CUX1: variants seen among roughly 807,000 people sequenced by gnomAD.
The protein encoded by CUX1 is cut like homeobox 1.
Under a neutral mutation model 158.8 loss-of-function variants are expected in CUX1, and 31 were observed. The observed-to-expected ratio is 0.20, with a 90% confidence interval of 0.15 to 0.26. The LOEUF (loss-of-function observed/expected upper bound fraction) is 0.26, where lower values mean the gene tolerates loss of function less well. CUX1 is among the 10% of genes least tolerant of loss of function. The pLI, the probability that CUX1 is intolerant of heterozygous loss-of-function variation, is 1.00. For missense variants in CUX1, 1,589 were observed against 2,014.6 expected, an observed-to-expected ratio of 0.79 and a Z score of 4.04; for synonymous variants, 879 against 862.1, an observed-to-expected ratio of 1.02 and a Z score of -0.34.
Position 102,248,495 on chromosome 7 carries a change from C to A in CUX1, c.3971C>A (p.Ala1324Asp). ...GCGGGCGCCAGCGACTCACCCTCGG[C>A]CCGCAGCGGCCGGGCGGCGCCCAGC... ...GQAGASDSPSARSGRAAPSSE... is the reference protein window; with the variant it reads ...GQAGASDSPSDRSGRAAPSSE... The change falls in exon 24 of 24, where the codon GCC becomes GAC. Residue 1324 changes from alanine (A) to aspartate (D), a missense_variant. Ala to Asp is a moderately radical substitution (Grantham distance 126). Coordinates refer to ENST00000292535, the MANE Select transcript of CUX1 (RefSeq NM_181552.4). This position sits in a 1 kb window ranked among gnomAD's most constrained non-coding sequence, Gnocchi z 5.8. 6.4e-7 allele frequency: 1 copy of A among 1,571,798 alleles called. No homozygotes were observed. Among genetic ancestry groups the A allele is most frequent in the Non-Finnish European group, 8.6e-7 (1 of 1,162,974 alleles).
chr7:102,001,600 C>T (rs1816698398), intron 2 of CUX1, among the ~76,000 whole-genome samples: 1 of 152,216 alleles, frequency 6.6e-6, no homozygotes, highest in Admixed American at 6.5e-5. Flanking sequence ...GCCTCAGCCT[C>T]CCAAAAGTGC....
Position 101,821,865 on chromosome 7 carries a change from T to G in CUX1, c.30+4196T>G, listed in dbSNP as rs564058182. ...AGTTTTTTTGTTTTTTTGTTTTTTT[T>G]TTTTTTTGAGATGTAGTCTGGTTCT... On this transcript the variant is annotated intron_variant, in intron 1 of 23. Coordinates refer to ENST00000292535, the MANE Select transcript of CUX1 (RefSeq NM_181552.4). 5.6e-3 allele frequency among the ~76,000 whole-genome samples: 772 copies of G among 137,016 alleles called. 7 individuals carry two copies. The highest frequency in any genetic ancestry group is 0.012 in the South Asian group (54 of 4,390). 89.9% of individuals were successfully genotyped at this position (137,016 alleles called of 152,430 possible). A position where few individuals can be genotyped will look rare whatever the true frequency, so the allele number is the denominator to read the frequency against.
At chr7:102,071,731 T>C (rs1826159922) in intron 4 of CUX1, among the ~76,000 whole-genome samples, 1 of 152,140 alleles carries the variant, frequency 6.6e-6, no homozygotes, top group African/African-American at 2.4e-5. Flanking sequence ...CTGGGATTAA[T>C]AGAGGTCACA....
chr7:102,056,574 G>C (rs1183514436), intron 3 of CUX1, among the ~76,000 whole-genome samples: 4 of 152,140 alleles, frequency 2.6e-5, no homozygotes, highest in Non-Finnish European at 2.9e-5. Flanking sequence ...AATAAAAAAA[G>C]GTTCTTTTCT....
chr7:102,119,597 A>G (rs1386401652), intron 8 of CUX1, among the ~76,000 whole-genome samples: 2 of 152,224 alleles, frequency 1.3e-5, no homozygotes, highest in African/African-American at 4.8e-5. Flanking sequence ...GCACAGTTTA[A>G]TATTTGTTGG....
intron 1 of CUX1, among the ~76,000 whole-genome samples, chr7:101,890,450 C>G (rs994217032): frequency 4.6e-5 from 7 of 151,958 alleles, no homozygotes; most frequent in Non-Finnish European, 8.8e-5. Context: ...TGGGTCAGAG[C>G]TGGCTAGGAG....
chr7:102,199,986 T>C, intron 16 of CUX1, 85 bp from the exon 17 acceptor site: 3 of 1,155,418 alleles, frequency 2.6e-6, no homozygotes, highest in Non-Finnish European at 3.7e-6. Flanking sequence ...CACCCGGGGC[T>C]ATATATCAGA....
chr7:102,010,396 C>CAAAAAAA (rs35965710), intron 2 of CUX1, among the ~76,000 whole-genome samples: 3 of 90,256 alleles, frequency 3.3e-5, no homozygotes. Flanking sequence ...GACTCTGTCT[C>CAAAAAAA]AAAAAAAAAA....
Position 102,250,052 on chromosome 7 carries a change from G to GA in CUX1, c.*1019dup, listed in dbSNP as rs1171896359. 82 of 917,962 alleles carry GA rather than the reference G, an allele frequency of 8.9e-5. No individual in the cohort carries two copies. The Middle Eastern group carries it at 1.7e-3, about 19-fold the overall frequency. 56.9% of individuals were successfully genotyped at this position (917,962 alleles called of 1,614,324 possible). ...CTAGGCCAAATCAGGACAAAAAAAA[G>GA]AAAAAAAAAGAAAAAAAAAAAAGAA... On this transcript the variant is annotated 3_prime_UTR_variant, in exon 24 of 24. Transcript: ENST00000292535.
At chr7:102,057,185 G>C (rs1225040086) in intron 3 of CUX1, among the ~76,000 whole-genome samples, 1 of 152,196 alleles carries the variant, frequency 6.6e-6, no homozygotes, top group African/African-American at 2.4e-5. Flanking sequence ...ACAGGCATGA[G>C]CCACCGCGCC....
chr7:101,831,935 G>A (rs1317963520), intron 1 of CUX1, among the ~76,000 whole-genome samples: 1 of 151,702 alleles, frequency 6.6e-6, no homozygotes, highest in East Asian at 1.9e-4. Context: ...GTAGAGATGG[G>A]GGGGTCTCAC....
At chr7:102,261,664 T>C (rs1790409594), downstream of CUX1, among the ~76,000 whole-genome samples, 2 of 151,936 alleles carry the variant, frequency 1.3e-5, no homozygotes, top group Non-Finnish European at 2.9e-5. Context: ...TCAGTGTCTC[T>C]GTGGTCAGGA....
At chr7:102,104,497 C>A in intron 6 of CUX1, 38 bp downstream of exon 6, 1 of 1,602,700 alleles carries the variant, frequency 6.2e-7, no homozygotes, top group South Asian at 1.1e-5. Flanking sequence ...ACTGACATAG[C>A]ATTTGCCCCT....
Position 102,227,313 on chromosome 7 carries a change from C to A in CUX1, c.3131-54C>A. 4 of 1,466,362 alleles carry A rather than the reference C, an allele frequency of 2.7e-6. No homozygotes were observed. In the South Asian group the frequency reaches 3.7e-5, roughly 14 times the overall value. 90.8% of individuals were successfully genotyped at this position (1,466,362 alleles called of 1,614,324 possible). On this transcript the variant is annotated intron_variant, in intron 20 of 23. Coordinates refer to ENST00000292535, the MANE Select transcript of CUX1 (RefSeq NM_181552.4). ...TTCCTAGATAAGGAACGTAGATGGT[C>A]GTGGTAAAAGACAGCTATTTTCAGG...
At chr7:101,829,778 G>A (rs961979315) in intron 1 of CUX1, among the ~76,000 whole-genome samples, 1 of 152,196 alleles carries the variant, frequency 6.6e-6, no homozygotes, top group East Asian at 1.9e-4. Context: ...GCAGAGAAGG[G>A]TCATCTGATG....
chr7:101,874,982 C>T (rs1368923499), intron 1 of CUX1, among the ~76,000 whole-genome samples: 3 of 152,132 alleles, frequency 2.0e-5, no homozygotes, highest in Admixed American at 6.6e-5. Flanking sequence ...GGGGACCCAC[C>T]GCGCGCTGGC....
At chr7:101,994,896 C>T (rs928396616) in intron 2 of CUX1, among the ~76,000 whole-genome samples, 12 of 148,452 alleles carry the variant, frequency 8.1e-5, no homozygotes, top group Non-Finnish European at 1.8e-4. Context: ...TCAAGACCAG[C>T]CTGGGCAACA....
intron 1 of CUX1, among the ~76,000 whole-genome samples, chr7:101,832,125 G>A (rs1428259474): frequency 6.6e-6 from 1 of 152,212 alleles, no homozygotes; most frequent in Non-Finnish European, 1.5e-5. Flanking sequence ...CCACATGGAA[G>A]GCGGGCTAGA....
chr7:102,241,911 A>G (rs1292980210), intron 23 of CUX1, among the ~76,000 whole-genome samples: 1 of 151,724 alleles, frequency 6.6e-6, no homozygotes, highest in Non-Finnish European at 1.5e-5. Context: ...CGGAGGTTGC[A>G]GTGAGCCGAG....
Sources: gnomAD v4.1 joint callset for allele counts (sites outside exome capture counted in the v4.1 genomes callset) on GRCh38, gnomAD v4.1.1 for gene constraint, Gnocchi (gnomAD v3.1) non-coding constraint, MANE v1.5 for transcripts, NCBI Gene and HGNC (gene_info 2026-07-23, HGNC 2026-07-21) for gene names.